Variants in NDRG3 observed in about 807,000 individuals in gnomAD.
The protein encoded by NDRG3 is protein NDRG3.
NDRG3 carries 23 observed loss-of-function variants against 57.2 expected under a neutral mutation model. The ratio of observed to expected loss-of-function variants is 0.40; its 90% CI spans 0.29 to 0.57. NDRG3 has a LOEUF of 0.57. NDRG3 is among the 20% of genes least tolerant of loss of function. The pLI, the probability that NDRG3 is intolerant of heterozygous loss-of-function variation, is 0.42. For synonymous variants in NDRG3, 132 were observed against 162.6 expected, an observed-to-expected ratio of 0.81 and a Z score of 1.43; for missense variants, 384 against 457.3, an observed-to-expected ratio of 0.84 and a Z score of 1.46.
intron 6 of NDRG3, 133 bp downstream of exon 6, chr20:36,684,280 T>C: frequency 1.5e-6 from 1 of 681,244 alleles, no homozygotes; most frequent in Non-Finnish European, 2.6e-6. Flanking sequence ...GTTTGCTTAC[T>C]TGTTACCCCA....
chr20:36,665,292 G>C lies in NDRG3; in HGVS notation c.702C>G (p.Asp234Glu). The C allele has an allele frequency of 6.2e-7, 1 of 1,614,106 alleles. No individual in the cohort carries two copies. The highest frequency in any genetic ancestry group is 1.7e-5 in the Admixed American group (1 of 60,010). Residue 234 changes from aspartate (D) to glutamate (E), a missense_variant, in exon 11 of 16, where the codon GAC (aspartate) becomes GAG (glutamate). Coordinates refer to ENST00000349004, the MANE Select transcript of NDRG3 (RefSeq NM_032013.4). Reference protein sequence around the residue: ...LFLNSYNGRRDLEIERPILGQ... With the variant: ...LFLNSYNGRRELEIERPILGQ... ...CCAGTATGGGTCTTTCGATCTCCAG[G>C]TCTCTGCGTCTAGAAAAACAAAGCA...
rs1210968373 is a variant in NDRG3, at chr20:36,653,531, C to T, written c.1117G>A (p.Val373Met). ...GGAGGAGCATCTGCTTAGCAGGACACCTCCATGGTCTGGTGTCTGTCCAGG... is the reference window on the plus strand; with the variant it reads ...GGAGGAGCATCTGCTTAGCAGGACATCTCCATGGTCTGGTGTCTGTCCAGG... ...DVLDRHQTME[V>M]SC The change falls in exon 16 of 16, where the codon GTG (valine) becomes ATG (methionine). Residue 373 changes from valine to methionine, a missense_variant. By Grantham distance (21) the Val-to-Met change is conservative. Coordinates refer to ENST00000349004, the MANE Select transcript of NDRG3 (RefSeq NM_032013.4). The surrounding 1 kb of genome is among the most constrained non-coding windows in gnomAD (Gnocchi z 4.2). 3.7e-6 allele frequency: 6 copies of T among 1,614,010 alleles called. No homozygotes were observed. Among genetic ancestry groups the T allele is most frequent in the South Asian group, 1.1e-5 (1 of 91,038 alleles).
chr20:36,686,912 T>G (rs1981831802), intron 5 of NDRG3, among the ~76,000 whole-genome samples: 1 of 152,080 alleles, frequency 6.6e-6, no homozygotes, highest in South Asian at 2.1e-4. Flanking sequence ...GACAGGGTCT[T>G]GCTCAGTCAT....
chr20:36,740,858 T>A (rs1048376555), intron 1 of NDRG3, among the ~76,000 whole-genome samples: 4 of 152,176 alleles, frequency 2.6e-5, no homozygotes, highest in Admixed American at 2.0e-4. Flanking sequence ...ATATTATACA[T>A]TAGTTTTATA....
chr20:36,682,635 G>A, intron 6 of NDRG3, 57 bp from the exon 7 acceptor site: 1 of 1,446,026 alleles, frequency 6.9e-7, no homozygotes. Flanking sequence ...AGGCAGCATT[G>A]CATAATTGAA....
chr20:36,693,615 C>T (rs1982529239), intron 3 of NDRG3, among the ~76,000 whole-genome samples: 1 of 151,928 alleles, frequency 6.6e-6, no homozygotes, highest in Non-Finnish European at 1.5e-5. Flanking sequence ...CCCCGTTGCA[C>T]TGCCTGAGCT....
chr20:36,736,249 A>G (rs999711947), intron 1 of NDRG3, among the ~76,000 whole-genome samples: 9 of 152,314 alleles, frequency 5.9e-5, no homozygotes, highest in African/African-American at 1.7e-4. Flanking sequence ...CTCAGCCCCA[A>G]CCTTAAAGAT....
chr20:36,721,474 A>C (rs1315600448), intron 2 of NDRG3, among the ~76,000 whole-genome samples: 1 of 151,992 alleles, frequency 6.6e-6, no homozygotes, highest in African/African-American at 2.4e-5. Context: ...GGTTGCAGTG[A>C]GCCGAGATTG....
intron 13 of NDRG3, 90 bp downstream of exon 13, chr20:36,660,247 G>A: frequency 9.7e-7 from 1 of 1,027,412 alleles, no homozygotes; most frequent in Middle Eastern, 2.7e-4. Context: ...AGAGAGGGAA[G>A]CTTTGCTCCT....
At chr20:36,703,200 A>G (rs1213531085) in intron 3 of NDRG3, among the ~76,000 whole-genome samples, 1 of 152,042 alleles carries the variant, frequency 6.6e-6, no homozygotes, top group Non-Finnish European at 1.5e-5. Flanking sequence ...ATCTGTCTCA[A>G]TGCTGTCTCT....
At chr20:36,715,368 T>C (rs1984211929) in intron 2 of NDRG3, among the ~76,000 whole-genome samples, 2 of 151,840 alleles carry the variant, frequency 1.3e-5, no homozygotes, top group Admixed American at 1.3e-4. Flanking sequence ...ACAACAGATG[T>C]AACCATCATG....
chr20:36,676,611 C>G (rs1018689657), intron 8 of NDRG3, among the ~76,000 whole-genome samples: 1 of 152,302 alleles, frequency 6.6e-6, no homozygotes, highest in Middle Eastern at 3.4e-3. Flanking sequence ...TACAGGCATA[C>G]ACCACCAGGC....
chr20:36,731,435 G>C (rs1431732182), intron 1 of NDRG3, among the ~76,000 whole-genome samples: 2 of 152,168 alleles, frequency 1.3e-5, no homozygotes, highest in African/African-American at 4.8e-5. Context: ...GTAAAAGTCA[G>C]TGGTGTTAAA....
At chr20:36,713,136 A>G (rs1441017493) in intron 2 of NDRG3, among the ~76,000 whole-genome samples, 1 of 152,200 alleles carries the variant, frequency 6.6e-6, no homozygotes, top group Non-Finnish European at 1.5e-5. Context: ...CCATATTCAG[A>G]GAAATTCTTA....
At chr20:36,665,743 C>T (rs1216008046) in intron 10 of NDRG3, among the ~76,000 whole-genome samples, 4 of 151,960 alleles carry the variant, frequency 2.6e-5, no homozygotes, top group South Asian at 4.1e-4. Context: ...AGATTACAGG[C>T]GCCCGCCACT....
At position 36,660,449 on chromosome 20, in the gene NDRG3, C is replaced by T. The variant is rs895671622; in HGVS notation, c.811-65G>A. The T allele has an allele frequency of 3.9e-5, 48 of 1,223,650 alleles. 1 individual carries two copies. The highest frequency in any genetic ancestry group is 8.5e-5 in the South Asian group (7 of 81,958). The allele number at this position is 1,223,650 out of a possible 1,614,324, so 75.8% of individuals were successfully genotyped here. Reference sequence around the variant, plus strand: ...TGCTAGGAAAAAAAACGAAATAGCTCGGTATGAGAATCATCTTGCAAGATC... The same window carrying T: ...TGCTAGGAAAAAAAACGAAATAGCTTGGTATGAGAATCATCTTGCAAGATC... On this transcript the variant is annotated intron_variant, in intron 12 of 15. Transcript: ENST00000349004.
At chr20:36,733,329 G>A (rs982614618) in intron 1 of NDRG3, among the ~76,000 whole-genome samples, 2 of 151,760 alleles carry the variant, frequency 1.3e-5, no homozygotes, top group Admixed American at 6.6e-5. Flanking sequence ...GCCTTTGTCA[G>A]GCCTTGCCAG....
chr20:36,706,310 C>T (rs1242835890), intron 3 of NDRG3, among the ~76,000 whole-genome samples: 1 of 152,158 alleles, frequency 6.6e-6, no homozygotes, highest in Admixed American at 6.6e-5. Flanking sequence ...AATCTCTCCT[C>T]CATCTGCCCT....
rs1054476055 is a variant in NDRG3 at position 36,656,314 on chromosome 20, C to T, written c.946+46G>A. On this transcript the variant is annotated intron_variant, in intron 15 of 15. Transcript: ENST00000349004. Reference sequence around the variant, plus strand: ...GGCTCCCAGATGTGAAACTGGCTCCCAATATTCCTAAATCGTTGCTAGATA... The same window carrying T: ...GGCTCCCAGATGTGAAACTGGCTCCTAATATTCCTAAATCGTTGCTAGATA... The T allele has an allele frequency of 3.8e-6, 6 of 1,586,902 alleles. No homozygotes were observed. In the African/African-American group the frequency reaches 5.4e-5, roughly 14 times the overall value.
Sources: allele counts gnomAD v4.1 joint callset (sites outside exome capture counted in the v4.1 genomes callset), GRCh38; gene constraint gnomAD v4.1.1; non-coding constraint Gnocchi (gnomAD v3.1); transcripts MANE v1.5; gene names NCBI Gene and HGNC (gene_info 2026-07-23, HGNC 2026-07-21).